Variants in TAFA1 observed in about 807,000 individuals in gnomAD.
TAFA1 encodes the protein TAFA chemokine like family member 1.
TAFA1 carries 4 observed loss-of-function variants against 18.5 expected under a neutral mutation model. The observed-to-expected ratio is 0.22, with a 90% CI of 0.11 to 0.49. The LOEUF is 0.49. Among genes scored for constraint, TAFA1 ranks in the 20% least tolerant of loss-of-function variants. TAFA1 has a pLI of 0.98. For synonymous variants in TAFA1, 56 were observed against 55.2 expected (o/e 1.01, Z -0.06); for missense variants, 147 against 169.0 (o/e 0.87, Z 0.72).
At chr3:68,269,806 CA>C (rs2067627512) in intron 2 of TAFA1, among the ~76,000 whole-genome samples, 1 of 152,090 alleles carries the variant, frequency 6.6e-6, no homozygotes, top group Non-Finnish European at 1.5e-5. Context: ...GAGAGAGAAC[CA>C]GTTTTAATGC....
intron 2 of TAFA1, among the ~76,000 whole-genome samples, chr3:68,126,428 T>C (rs982627041): frequency 6.6e-6 from 1 of 152,244 alleles, no homozygotes; most frequent in Non-Finnish European, 1.5e-5. Context: ...TGGAGGGCTC[T>C]TATATCTTGC....
intron 2 of TAFA1, among the ~76,000 whole-genome samples, chr3:68,204,812 G>T (rs1462167754): frequency 6.6e-6 from 1 of 151,800 alleles, no homozygotes; most frequent in Non-Finnish European, 1.5e-5. Context: ...AGGTCATCCA[G>T]CGAGTTAATG....
intron 3 of TAFA1, among the ~76,000 whole-genome samples, chr3:68,455,007 C>A (rs1227480780): frequency 6.6e-6 from 1 of 152,080 alleles, no homozygotes; most frequent in East Asian, 1.9e-4. Flanking sequence ...CTGGAAGCTT[C>A]ATTGATAACA....
intron 2 of TAFA1, among the ~76,000 whole-genome samples, chr3:68,311,342 C>T (rs185459471): frequency 8.6e-4 from 131 of 152,230 alleles, no homozygotes; most frequent in African/African-American, 2.7e-3. Context: ...CAACAGTCTC[C>T]GAAAGTGTCA....
chr3:68,215,136 T>C (rs940007814), intron 2 of TAFA1, among the ~76,000 whole-genome samples: 4 of 152,052 alleles, frequency 2.6e-5, no homozygotes, highest in African/African-American at 9.7e-5. Context: ...AATCAAAACC[T>C]GACATAATGT....
chr3:68,432,564 T>A (rs1430474776), intron 3 of TAFA1, among the ~76,000 whole-genome samples: 3 of 151,986 alleles, frequency 2.0e-5, no homozygotes, highest in Non-Finnish European at 4.4e-5. Context: ...AAAACAAGAC[T>A]TTCAAGTCTC....
chr3:68,198,361 A>G (rs1167748815), intron 2 of TAFA1, among the ~76,000 whole-genome samples: 4 of 151,666 alleles, frequency 2.6e-5, no homozygotes, highest in Admixed American at 2.6e-4. Flanking sequence ...TGTGGACATT[A>G]GTTTCAAATC....
Position 68,006,662 on chromosome 3 carries a change from T to C in TAFA1, c.36T>C (p.Tyr12=). 6.2e-7 allele frequency: 1 copy of C among 1,613,942 alleles called. No homozygotes were observed. Among genetic ancestry groups the C allele is most frequent in the Non-Finnish European group, 8.5e-7 (1 of 1,179,842 alleles). ...AMVSAMSWVL[Y]LWISACAMLL... is the part of the protein sequence containing the mutation. ...TCTCTGCGATGTCCTGGGTCCTGTA[T>C]TTGTGGATAAGTGCTTGTGCAATGC... is the stretch of plus-strand genomic sequence containing the variant. Residue 12 remains tyrosine (Y), a synonymous_variant, in exon 2 of 5, where the codon TAT becomes TAC. Coordinates refer to ENST00000478136, the MANE Select transcript of TAFA1 (RefSeq NM_213609.4).
At chr3:68,074,673 A>G (rs1476200822) in intron 2 of TAFA1, among the ~76,000 whole-genome samples, 1 of 152,214 alleles carries the variant, frequency 6.6e-6, no homozygotes, top group Non-Finnish European at 1.5e-5. Flanking sequence ...ACAGAGACTC[A>G]GGGAGATGAA....
At chr3:68,139,622 TC>T (rs2065646594) in intron 2 of TAFA1, among the ~76,000 whole-genome samples, 1 of 152,172 alleles carries the variant, frequency 6.6e-6, no homozygotes, top group Non-Finnish European at 1.5e-5. Context: ...CTAGGAGATT[TC>T]TTGGGCCTCA....
chr3:68,259,378 G>C (rs1039054961), intron 2 of TAFA1, among the ~76,000 whole-genome samples: 1 of 152,126 alleles, frequency 6.6e-6, no homozygotes, highest in African/African-American at 2.4e-5. Context: ...GATAGAAAAA[G>C]TGAATTTATT....
At position 68,261,775 on chromosome 3, in the gene TAFA1, G is replaced by A. The variant is rs140763992; in HGVS notation, c.119-155505G>A. ...ACACCGGGAACTGTTGTGGGGTGGAGGGAGTGGGGAGGGATAGCATTAGGA... is the reference window on the plus strand; with the variant it reads ...ACACCGGGAACTGTTGTGGGGTGGAAGGAGTGGGGAGGGATAGCATTAGGA... On this transcript the variant is annotated intron_variant, in intron 2 of 4. Coordinates refer to ENST00000478136, the MANE Select transcript of TAFA1 (RefSeq NM_213609.4). Among the ~76,000 whole-genome samples the A allele has an allele frequency of 3.2e-3, 484 of 152,176 alleles. 2 individuals carry two copies. Among genetic ancestry groups the A allele is most frequent in the African/African-American group, 0.011 (451 of 41,528 alleles).
At chr3:68,078,487 C>G (rs2064855320) in intron 2 of TAFA1, among the ~76,000 whole-genome samples, 2 of 152,192 alleles carry the variant, frequency 1.3e-5, no homozygotes, top group Middle Eastern at 3.4e-3. Flanking sequence ...TACGTCCCAT[C>G]AATACCTAAT....
intron 2 of TAFA1, among the ~76,000 whole-genome samples, chr3:68,245,873 T>A (rs577228342): frequency 1.3e-5 from 2 of 152,304 alleles, no homozygotes; most frequent in African/African-American, 4.8e-5. Context: ...AGAGGAAATA[T>A]GTTGGTCTTT....
chr3:68,014,685 G>A (rs952037705), intron 2 of TAFA1, among the ~76,000 whole-genome samples: 1 of 152,076 alleles, frequency 6.6e-6, no homozygotes, highest in Non-Finnish European at 1.5e-5. Flanking sequence ...TGACATAGCA[G>A]GATTCAAAAT....
At chr3:68,497,743 A>T (rs1045723913) in intron 3 of TAFA1, among the ~76,000 whole-genome samples, 3 of 152,176 alleles carry the variant, frequency 2.0e-5, no homozygotes, top group Non-Finnish European at 2.9e-5. Flanking sequence ...GATATATAAT[A>T]AAGTCTTTGC....
intron 3 of TAFA1, among the ~76,000 whole-genome samples, chr3:68,424,965 T>A (rs2071023916): frequency 6.6e-6 from 1 of 152,018 alleles, no homozygotes; most frequent in Admixed American, 6.6e-5. Context: ...CTTTCAAGTC[T>A]TCCGAGTTAA....
intron 2 of TAFA1, among the ~76,000 whole-genome samples, chr3:68,389,329 T>C (rs2070174764): frequency 6.6e-6 from 1 of 152,218 alleles, no homozygotes; most frequent in Non-Finnish European, 1.5e-5. Context: ...ACCTGGCCTC[T>C]TTGTGACTAA....
At chr3:68,011,626 CTG>C (rs1704473293) in intron 2 of TAFA1, among the ~76,000 whole-genome samples, 1 of 152,118 alleles carries the variant, frequency 6.6e-6, no homozygotes, top group African/African-American at 2.4e-5. Context: ...TGTTTTATAA[CTG>C]TAATATAAAA....
Sources: allele counts gnomAD v4.1 joint callset (sites outside exome capture counted in the v4.1 genomes callset), GRCh38; gene constraint gnomAD v4.1.1; transcripts MANE v1.5; gene names NCBI Gene and HGNC (gene_info 2026-07-23, HGNC 2026-07-21).